The following TMEM232 variants were observed in gnomAD, a reference collection of about 807,000 sequenced individuals.
TMEM232 encodes the protein transmembrane protein 232.
A neutral mutation model predicts 78.8 loss-of-function variants in TMEM232; 80 were observed. The ratio of observed to expected loss-of-function variants is 1.01; its 90% CI spans 0.85 to 1.22. TMEM232 has a LOEUF of 1.22. Among genes scored for constraint, TMEM232 ranks in the 50% most tolerant of loss-of-function variants. TMEM232 has a pLI of 0.00. For missense variants in TMEM232, 881 were observed against 742.2 expected (o/e 1.19, Z -2.17); for synonymous variants, 297 against 254.3 (o/e 1.17, Z -1.60).
At chr5:110,552,216 T>C (rs1774559479) in intron 11 of TMEM232, among the ~76,000 whole-genome samples, 1 of 152,046 alleles carries the variant, frequency 6.6e-6, no homozygotes, top group Non-Finnish European at 1.5e-5. Context: ...TAGCCTCTAA[T>C]AAATTAAGGA....
chr5:110,645,822 T>C (rs1276506618), intron 2 of TMEM232, among the ~76,000 whole-genome samples: 2 of 150,930 alleles, frequency 1.3e-5, no homozygotes, highest in Middle Eastern at 3.4e-3. Flanking sequence ...TCCTAGATAA[T>C]CCACAAAAAT....
intron 12 of TMEM232, among the ~76,000 whole-genome samples, chr5:110,440,549 G>C (rs1410432559): frequency 6.6e-6 from 1 of 152,078 alleles, no homozygotes; most frequent in Non-Finnish European, 1.5e-5. Context: ...ATATTTGATA[G>C]ATTGGGGGCA....
chr5:110,618,702 T>A (rs1470046288), intron 7 of TMEM232, 140 bp from the exon 8 acceptor site: 7 of 932,098 alleles, frequency 7.5e-6, no homozygotes, highest in Non-Finnish European at 1.1e-5. Context: ...TTTCACCAAG[T>A]GGAGCAATTT....
intron 2 of TMEM232, among the ~76,000 whole-genome samples, chr5:110,644,200 T>C (rs1407014361): frequency 2.0e-5 from 3 of 151,904 alleles, no homozygotes; most frequent in Non-Finnish European, 2.9e-5. Context: ...TTGAAGATAT[T>C]TGGTGAACAC....
At chr5:110,491,660 C>CT (rs35022686) in intron 12 of TMEM232, among the ~76,000 whole-genome samples, 2 of 151,910 alleles carry the variant, frequency 1.3e-5, no homozygotes, top group African/African-American at 4.8e-5. Flanking sequence ...TATATTTCAT[C>CT]TTTTTAGAAA....
intron 12 of TMEM232, among the ~76,000 whole-genome samples, chr5:110,446,919 G>A (rs991721487): frequency 6.6e-6 from 1 of 151,810 alleles, no homozygotes; most frequent in East Asian, 1.9e-4. Flanking sequence ...TATGTTCTAT[G>A]TGGTGATCTT....
At chr5:110,491,372 T>C (rs1353388037) in intron 12 of TMEM232, among the ~76,000 whole-genome samples, 4 of 152,044 alleles carry the variant, frequency 2.6e-5, no homozygotes, top group Non-Finnish European at 5.9e-5. Flanking sequence ...CTGATGGGTA[T>C]ATAAAATGGT....
At chr5:110,491,629 T>C (rs1765106736) in intron 12 of TMEM232, among the ~76,000 whole-genome samples, 1 of 151,900 alleles carries the variant, frequency 6.6e-6, no homozygotes, top group Non-Finnish European at 1.5e-5. Flanking sequence ...TGAATTGAGA[T>C]ATATTTTGTG....
intron 2 of TMEM232, among the ~76,000 whole-genome samples, chr5:110,643,949 T>C (rs1787097679): frequency 6.6e-6 from 1 of 152,014 alleles, no homozygotes. Context: ...AATAGCAATC[T>C]TAAAATAAGC....
At chr5:110,433,431 G>A (rs1758074475) in intron 12 of TMEM232, among the ~76,000 whole-genome samples, 1 of 151,700 alleles carries the variant, frequency 6.6e-6, no homozygotes, top group Admixed American at 6.6e-5. Context: ...TGAAACAAAT[G>A]AGAATAGAGG....
At chr5:110,661,125 T>G (rs949317363) in intron 2 of TMEM232, among the ~76,000 whole-genome samples, 5 of 152,238 alleles carry the variant, frequency 3.3e-5, no homozygotes, top group Admixed American at 1.3e-4. Context: ...CTTAACATAA[T>G]GTCTTCCAGT....
intron 6 of TMEM232, among the ~76,000 whole-genome samples, chr5:110,626,690 C>T (rs1265287407): frequency 2.0e-5 from 3 of 152,104 alleles, no homozygotes; most frequent in South Asian, 2.1e-4. Flanking sequence ...AATTTTCCCT[C>T]GCTGTTTGTT....
chr5:110,454,729 T>G (rs1455464273), intron 12 of TMEM232, among the ~76,000 whole-genome samples: 2 of 151,980 alleles, frequency 1.3e-5, no homozygotes, highest in African/African-American at 4.8e-5. Context: ...ATTAAATGTT[T>G]ATATTAGAAA....
downstream of TMEM232, among the ~76,000 whole-genome samples, chr5:110,415,476 C>T (rs565928722): frequency 6.1e-4 from 92 of 151,680 alleles, no homozygotes; most frequent in Admixed American, 1.5e-3. Context: ...CCTGAGCCAC[C>T]GTGCCCGACC....
intron 12 of TMEM232, among the ~76,000 whole-genome samples, chr5:110,517,057 G>A (rs1262763255): frequency 1.3e-5 from 2 of 152,252 alleles, no homozygotes; most frequent in African/African-American, 4.8e-5. Context: ...TTGGCTTCTT[G>A]CCGTCTTTCA....
intron 11 of TMEM232, among the ~76,000 whole-genome samples, chr5:110,552,837 TCC>T (rs1774629838): frequency 6.6e-6 from 1 of 152,186 alleles, no homozygotes; most frequent in Non-Finnish European, 1.5e-5. Context: ...AGAATGGTAT[TCC>T]CTAGGCTTTC....
intron 12 of TMEM232, among the ~76,000 whole-genome samples, chr5:110,434,967 CCAA>C (rs1758261621): frequency 6.6e-6 from 1 of 151,920 alleles, no homozygotes; most frequent in Admixed American, 6.6e-5. Context: ...AAACCCCCAG[CCAA>C]CAACCTACTG....
intron 12 of TMEM232, among the ~76,000 whole-genome samples, chr5:110,495,102 T>C (rs1222848337): frequency 6.6e-6 from 1 of 151,176 alleles, no homozygotes; most frequent in Non-Finnish European, 1.5e-5. Flanking sequence ...CTTCATTTTA[T>C]GTTGCACATA....
chr5:110,675,818 A>G (rs1791958167), intron 1 of TMEM232, among the ~76,000 whole-genome samples: 2 of 152,158 alleles, frequency 1.3e-5, no homozygotes, highest in South Asian at 4.1e-4. Flanking sequence ...CCGCTGAGCC[A>G]CTTTCAAGTA....
Sources: allele counts gnomAD v4.1 joint callset (sites outside exome capture counted in the v4.1 genomes callset), GRCh38; gene constraint gnomAD v4.1.1; transcripts MANE v1.5; gene names NCBI Gene and HGNC (gene_info 2026-07-23, HGNC 2026-07-21).